MRPS18A: variants seen among roughly 807,000 people sequenced by gnomAD.
MRPS18A encodes the protein large ribosomal subunit protein mL66.
In MRPS18A, 20 loss-of-function variants were observed where a neutral mutation model predicts 22.7. The observed-to-expected ratio is 0.88, with a 90% CI of 0.62 to 1.28. The LOEUF is 1.28. MRPS18A is among the 50% of genes most tolerant of loss of function. MRPS18A has a pLI of 0.00. For synonymous variants in MRPS18A, 106 were observed against 99.1 expected, an observed-to-expected ratio of 1.07 and a Z score of -0.41; for missense variants, 294 against 262.6, an observed-to-expected ratio of 1.12 and a Z score of -0.83.
chr6:43,675,086 G>C, intron 5 of MRPS18A, 116 bp downstream of exon 5: 1 of 883,448 alleles, frequency 1.1e-6, no homozygotes, highest in East Asian at 2.6e-5. Flanking sequence ...CTGCAGCAGG[G>C]GTGGACTGAT....
chr6:43,680,973 G>A (rs1239637565), intron 2 of MRPS18A, 116 bp downstream of exon 2: 2 of 894,272 alleles, frequency 2.2e-6, no homozygotes, highest in African/African-American at 1.7e-5. Flanking sequence ...TATGGTCATT[G>A]AGGGAGCTGA....
chr6:43,675,271 C>A lies in MRPS18A; in HGVS notation c.377G>T (p.Gly126Val). ...EECVKMAHRA[G>V]LLPNHRPRLP... ...CCGAGGCCTGTGATTTGGTAATAGACCTGAGTGGCGGGGAAGAGGGGATAG... is the reference window on the plus strand; with the variant it reads ...CCGAGGCCTGTGATTTGGTAATAGAACTGAGTGGCGGGGAAGAGGGGATAG... Residue 126 changes from glycine (G) to valine (V), a missense_variant and splice_region_variant, in exon 5 of 6, where the codon GGT (glycine) becomes GTT (valine). By Grantham distance (109) the Gly-to-Val change is moderately radical. Transcript: ENST00000372133. 1 of 1,535,268 alleles carries A rather than the reference C, an allele frequency of 6.5e-7. No individual in the cohort carries two copies. Among genetic ancestry groups the A allele is most frequent in the Non-Finnish European group, 8.8e-7 (1 of 1,141,294 alleles).
Position 43,675,232 on chromosome 6 carries a change from A to G in MRPS18A, c.416T>C (p.Val139Ala), listed in dbSNP as rs775235245. The change falls in exon 5 of 6, where the codon GTT becomes GCT. Residue 139 changes from valine to alanine, a missense_variant. Val to Ala is a moderately conservative substitution (Grantham distance 64). Coordinates refer to ENST00000372133, the MANE Select transcript of MRPS18A (RefSeq NM_018135.4). ...PNHRPRLPEG[V>A]VPKSKPQLNR... ...GAGTTGGGGTTTGCTCTTCGGAACA[A>G]CTCCTTCAGGAAGCCGAGGCCTGTG... 68 of 1,522,978 alleles carry G rather than the reference A, an allele frequency of 4.5e-5. No individual in the cohort carries two copies. The Middle Eastern group carries it at 1.4e-3, about 32-fold the overall frequency. 94.3% of individuals were successfully genotyped at this position (1,522,978 alleles called of 1,614,324 possible). A position where few individuals can be genotyped will look rare whatever the true frequency, so the allele number is the denominator to read the frequency against.
In MRPS18A at chr6:43,673,523, G is replaced by A. The variant is rs557992772; in HGVS notation, c.447-1617C>T. On this transcript the variant is annotated intron_variant, in intron 5 of 5. Coordinates refer to ENST00000372133, the MANE Select transcript of MRPS18A (RefSeq NM_018135.4). The surrounding 1 kb of genome is among the most constrained non-coding windows in gnomAD (Gnocchi z 4.2). ...CCCATGCCTTGGAGAGGGAAGCTGGGCTTTAGCTGGCCTTGGGCCTGATGC... is the reference window on the plus strand; with the variant it reads ...CCCATGCCTTGGAGAGGGAAGCTGGACTTTAGCTGGCCTTGGGCCTGATGC... Among the ~76,000 whole-genome samples, 4 of 152,226 alleles carry A rather than the reference G, an allele frequency of 2.6e-5. No individual in the cohort carries two copies. Among genetic ancestry groups the A allele is most frequent in the Non-Finnish European group, 5.9e-5 (4 of 68,044 alleles).
intron 3 of MRPS18A, 83 bp downstream of exon 3, chr6:43,678,435 G>A (rs1774186367): frequency 9.8e-7 from 1 of 1,021,154 alleles, no homozygotes; most frequent in Non-Finnish European, 1.5e-6. Flanking sequence ...AGTAGCTACA[G>A]CGGGGACATG....
rs144307098 is a variant in MRPS18A at position 43,672,206 on chromosome 6, G to A, written c.447-300C>T. ...GTGTGTTTGCTGAGGAAAAGGTGGC[G>A]AAGAGGCTGCCTGAAGAGCAGATCA... On this transcript the variant is annotated intron_variant, in intron 5 of 5. Transcript: ENST00000372133. 748 of 481,120 alleles carry A rather than the reference G, an allele frequency of 1.6e-3. 3 individuals are homozygous for A. The highest frequency in any genetic ancestry group is 7.4e-3 in the Middle Eastern group (17 of 2,304). The allele number at this position is 481,120 out of a possible 1,614,324, so 29.8% of individuals were successfully genotyped here.
chr6:43,671,626 C>G lies in MRPS18A; in HGVS notation c.*136G>C. The G allele has an allele frequency of 9.8e-7, 1 of 1,015,808 alleles. No individual in the cohort carries two copies. The highest frequency in any genetic ancestry group is 1.5e-6 in the Non-Finnish European group (1 of 674,732). 62.9% of individuals were successfully genotyped at this position (1,015,808 alleles called of 1,614,324 possible). On this transcript the variant is annotated 3_prime_UTR_variant, in exon 6 of 6. Transcript: ENST00000372133. ...GGTACTGAAGTTAGTCCCACTGTCC[C>G]CTGTCCATGCATGTTGGAGGGACCA...
intron 5 of MRPS18A, chr6:43,672,475 G>C (rs1007533239): frequency 1.1e-5 from 5 of 468,994 alleles, no homozygotes; most frequent in African/African-American, 2.0e-5. Context: ...GGGAAAGATG[G>C]CTGCCGCCCA....
At chr6:43,687,405 G>A (rs557103611) in intron 1 of MRPS18A, among the ~76,000 whole-genome samples, 2 of 152,200 alleles carry the variant, frequency 1.3e-5, no homozygotes, top group African/African-American at 2.4e-5. Flanking sequence ...CTGAGCCCTA[G>A]GACAGGTTTA....
At chr6:43,685,633 T>C (rs747783957) in intron 1 of MRPS18A, among the ~76,000 whole-genome samples, 25 of 152,364 alleles carry the variant, frequency 1.6e-4, no homozygotes, top group African/African-American at 5.3e-4. Flanking sequence ...ACTAAAATTA[T>C]GTATTATTAT....
chr6:43,685,827 A>G (rs1008857883), intron 1 of MRPS18A, among the ~76,000 whole-genome samples: 1 of 152,262 alleles, frequency 6.6e-6, no homozygotes, highest in African/African-American at 2.4e-5. Context: ...TAGCAAAAGA[A>G]AATGTTTTCA....
intron 1 of MRPS18A, among the ~76,000 whole-genome samples, chr6:43,686,248 G>C (rs1774689958): frequency 6.6e-6 from 1 of 152,216 alleles, no homozygotes; most frequent in Admixed American, 6.5e-5. Flanking sequence ...ATAAGAATAT[G>C]CAAATTGTAG....
At chr6:43,675,116 G>C in intron 5 of MRPS18A, 86 bp downstream of exon 5, 1 of 1,195,326 alleles carries the variant, frequency 8.4e-7, no homozygotes, top group Non-Finnish European at 1.2e-6. Flanking sequence ...TGCTTAAGCT[G>C]GCAGGGAATG....
intron 3 of MRPS18A, among the ~76,000 whole-genome samples, chr6:43,675,909 A>G (rs1023482047): frequency 1.3e-5 from 2 of 151,718 alleles, no homozygotes; most frequent in African/African-American, 2.4e-5. Context: ...GCTGGAGTGC[A>G]GTGGCGCAAT....
Position 43,679,810 on chromosome 6 carries a change from C to T in MRPS18A, c.145-1185G>A, listed in dbSNP as rs9472107. ...AGAAACTGAGATGTTAGAGAAAATT[C>T]GCAAGTACACGGTAGGCCTTGGGAG... is the stretch of plus-strand genomic sequence containing the variant. On this transcript the variant is annotated intron_variant, in intron 2 of 5. Transcript: ENST00000372133. 4.2e-3 allele frequency among the ~76,000 whole-genome samples: 633 copies of T among 152,056 alleles called. 3 individuals are homozygous for T. Among genetic ancestry groups the T allele is most frequent in the African/African-American group, 0.015 (602 of 41,428 alleles).
intron 1 of MRPS18A, among the ~76,000 whole-genome samples, chr6:43,685,543 T>C (rs562211735): frequency 2.0e-5 from 3 of 152,208 alleles, no homozygotes; most frequent in African/African-American, 4.8e-5. Flanking sequence ...GGGGACAAAA[T>C]TGCCCCCCAG....
intron 5 of MRPS18A, chr6:43,672,718 C>CT (rs1182710134): frequency 1.3e-4 from 23 of 180,086 alleles, no homozygotes; most frequent in African/African-American, 5.4e-4. Context: ...AAAGAAAAAG[C>CT]TTTTTTATTT....
At position 43,681,205 on chromosome 6, in the gene MRPS18A, T is replaced by C; in HGVS notation, c.113-85A>G. The stretch of plus-strand genomic sequence containing the variant: ...AATAACAGCTCAAATTCTACACATC[T>C]GGAAAAAAGCAGCCTTCCATCTGTA... On this transcript the variant is annotated intron_variant, in intron 1 of 5. Coordinates refer to ENST00000372133, the MANE Select transcript of MRPS18A (RefSeq NM_018135.4). The C allele has an allele frequency of 4.3e-6, 6 of 1,409,644 alleles. No individual in the cohort carries two copies. The East Asian group carries it at 1.4e-4, about 33-fold the overall frequency. 87.3% of individuals were successfully genotyped at this position (1,409,644 alleles called of 1,614,324 possible). A position where few individuals can be genotyped will look rare whatever the true frequency, so the allele number is the denominator to read the frequency against.
At chr6:43,677,847 G>A (rs1176335793) in intron 3 of MRPS18A, among the ~76,000 whole-genome samples, 1 of 151,704 alleles carries the variant, frequency 6.6e-6, no homozygotes, top group Admixed American at 6.6e-5. Context: ...AATGTTAGCT[G>A]TTGTTATTAT....
Sources: gnomAD v4.1 joint callset for allele counts (sites outside exome capture counted in the v4.1 genomes callset) on GRCh38, gnomAD v4.1.1 for gene constraint, Gnocchi (gnomAD v3.1) non-coding constraint, MANE v1.5 for transcripts, NCBI Gene and HGNC (gene_info 2026-07-23, HGNC 2026-07-21) for gene names.